The following ABCA7 variants were observed in gnomAD, a reference collection of about 807,000 sequenced individuals.
The protein encoded by ABCA7 is phospholipid-transporting ATPase ABCA7.
Under a neutral mutation model 227.6 loss-of-function variants are expected in ABCA7, and 261 were observed. That is an observed-to-expected ratio of 1.15 (90% confidence interval 1.04 to 1.27). The LOEUF is 1.27. Ranked by LOEUF, ABCA7 falls within the 50% of genes most tolerant of loss-of-function variation. ABCA7 has a pLI of 0.00. For synonymous variants in ABCA7, 1,488 were observed against 1,279.7 expected (o/e 1.16, Z -3.47); for missense variants, 3,331 against 2,924.5 (o/e 1.14, Z -3.21).
In ABCA7 at chr19:1,054,293, C is replaced by CAA; in HGVS notation, c.3679_3680dup (p.Arg1228SerfsTer146). The CAA allele has an allele frequency of 6.2e-7, 1 of 1,606,726 alleles. No individual in the cohort carries two copies. Among genetic ancestry groups the CAA allele is most frequent in the South Asian group, 1.1e-5 (1 of 90,972 alleles). On this transcript the variant is annotated frameshift_variant, in exon 27 of 47. Transcript: ENST00000263094. LOFTEE classifies it high-confidence loss of function. This position sits in a 1 kb window ranked among gnomAD's most constrained non-coding sequence, Gnocchi z 4.8. ...GCCAGCAGCTCCAGGCCCTGCTTCT[C>CAA]AAGCGCTTTCTGCTTGCCCGCCGCA...
At position 1,050,596 on chromosome 19, in the gene ABCA7, A is replaced by AAACG. The variant is rs1407608400; in HGVS notation, c.2553-325_2553-324insAACG. 6.6e-4 allele frequency among the ~76,000 whole-genome samples: 99 copies of AAACG among 149,736 alleles called. 2 individuals carry two copies. Among genetic ancestry groups the AAACG allele is most frequent in the Non-Finnish European group, 1.5e-4 (10 of 67,620 alleles). On this transcript the variant is annotated intron_variant, in intron 18 of 46. Coordinates refer to ENST00000263094, the MANE Select transcript of ABCA7 (RefSeq NM_019112.4). Reference sequence around the variant, plus strand: ...ATCATCCTGGCTAACATGGTGAAACAGTGAAACCCCGTCTCTACTAAAAAT... The same window carrying AAACG: ...ATCATCCTGGCTAACATGGTGAAACAAACGGTGAAACCCCGTCTCTACTAAAAAT...
chr19:1,051,161 C>G lies in ABCA7; in HGVS notation c.2691C>G (p.Thr897=), dbSNP rs375767923. 6 of 1,611,174 alleles carry G rather than the reference C, an allele frequency of 3.7e-6. No homozygotes were observed. Among genetic ancestry groups the G allele is most frequent in the Non-Finnish European group, 5.1e-6 (6 of 1,179,900 alleles). The change falls in exon 20 of 47, where the codon ACC becomes ACG. Residue 897 remains threonine, a synonymous_variant. Transcript: ENST00000263094. ...CTCTGTGCACTGGCCGCAGGCTGAC[C>G]GTGGACGAGCACGTCTGGTTCTATG... The part of the protein sequence containing the change: ...PQYNVLFDML[T]VDEHVWFYGR...
At chr19:1,053,081 A>G (rs1236214248) in intron 23 of ABCA7, among the ~76,000 whole-genome samples, 1 of 152,164 alleles carries the variant, frequency 6.6e-6, no homozygotes, top group African/African-American at 2.4e-5. Context: ...TTTGGTAGAA[A>G]TGGGGTTTCA....
rs377691518 is a variant in ABCA7 at position 1,064,653 on chromosome 19, A to C, written c.6045-278A>C. ...AAGGGCGAAAGAGGAGTGTCCGAAA[A>C]AGGAGTCAAGTGGGGTGATAGCTTC... On this transcript the variant is annotated intron_variant, in intron 45 of 46. Transcript: ENST00000263094. 2.0e-4 allele frequency: 108 copies of C among 533,772 alleles called. 3 individuals carry two copies. The South Asian group carries it at 2.9e-3, about 14-fold the overall frequency. The allele number at this position is 533,772 out of a possible 1,614,324, so 33.1% of individuals were successfully genotyped here.
At chr19:1,048,326 C>T (rs892641114) in intron 16 of ABCA7, among the ~76,000 whole-genome samples, 1 of 150,238 alleles carries the variant, frequency 6.7e-6, no homozygotes, top group Non-Finnish European at 1.5e-5. Context: ...GGAGAAACCC[C>T]GTCTCTACTA....
In ABCA7 at chr19:1,049,384, G is replaced by A. The variant is rs1599615330; in HGVS notation, c.2499G>A (p.Gln833=). Residue 833 remains glutamine, a synonymous_variant, in exon 18 of 47, where the codon CAG becomes CAA. Transcript: ENST00000263094. ...GGGGGCTCAGCCTGGACTTCTACCA[G>A]GGCCACATCACCGCCTTCCTGGGCC... ...ALRGLSLDFY[Q]GHITAFLGHN... The A allele has an allele frequency of 6.2e-7, 1 of 1,611,086 alleles. No homozygotes were observed. The highest frequency in any genetic ancestry group is 2.2e-5 in the East Asian group (1 of 44,848).
At chr19:1,047,746 G>C in intron 16 of ABCA7, 92 bp downstream of exon 16, 1 of 1,367,888 alleles carries the variant, frequency 7.3e-7, no homozygotes, top group South Asian at 1.4e-5. Context: ...TTTGGGGGTG[G>C]GGGGTGGCTT....
Position 1,054,652 on chromosome 19 carries a change from G to A in ABCA7, c.3809G>A (p.Arg1270Gln), listed in dbSNP as rs779351144. Residue 1270 changes from arginine to glutamine, a missense_variant, in exon 28 of 47, where the codon CGG becomes CAG. By Grantham distance (43) the Arg-to-Gln change is conservative. Coordinates refer to ENST00000263094, the MANE Select transcript of ABCA7 (RefSeq NM_019112.4). The surrounding 1 kb of genome is among the most constrained non-coding windows in gnomAD (Gnocchi z 4.8). ...VPPFGHYPALRLSPTMYGAQV... is the reference protein window; with the variant it reads ...VPPFGHYPALQLSPTMYGAQV... ...CCTTTCGGGCACTACCCGGCTCTGC[G>A]GCTCAGTCCCACCATGTACGGTGCT... 30 of 1,613,258 alleles carry A rather than the reference G, an allele frequency of 1.9e-5. No homozygotes were observed. Among genetic ancestry groups the A allele is most frequent in the South Asian group, 6.6e-5 (6 of 91,090 alleles).
intron 12 of ABCA7, chr19:1,045,542 C>A: frequency 2.7e-6 from 1 of 373,442 alleles, no homozygotes. Context: ...AAAATTGCAC[C>A]GGGTGCTGAG....
rs746504529 is a variant in ABCA7 at position 1,051,521 on chromosome 19, C to T, written c.2897C>T (p.Pro966Leu). 6.8e-6 allele frequency: 11 copies of T among 1,612,570 alleles called. No homozygotes were observed. The highest frequency in any genetic ancestry group is 1.3e-5 in the African/African-American group (1 of 74,942). The stretch of plus-strand genomic sequence containing the variant: ...TCCCAAGTTGTTATCCTGGACGAGC[C>T]TACGGCTGGCGTGGATCCTGCTTCC... ...GGSQVVILDEPTAGVDPASRR... is the reference protein window; with the variant it reads ...GGSQVVILDELTAGVDPASRR... Residue 966 changes from proline to leucine, a missense_variant, in exon 21 of 47, where the codon CCT (proline) becomes CTT (leucine). By Grantham distance (98) the Pro-to-Leu change is moderately conservative. Coordinates refer to ENST00000263094, the MANE Select transcript of ABCA7 (RefSeq NM_019112.4).
Position 1,045,212 on chromosome 19 carries a change from A to T in ABCA7, c.1426A>T (p.Thr476Ser). ...IRMDIDVVTRTNKIRDRFWDP... is the reference protein window; with the variant it reads ...IRMDIDVVTRSNKIRDRFWDP... Reference sequence around the variant, plus strand: ...CATGGACATTGACGTGGTCACGAGGACCAATAAGATCAGGGACAGGTCAGG... The same window carrying T: ...CATGGACATTGACGTGGTCACGAGGTCCAATAAGATCAGGGACAGGTCAGG... The change falls in exon 12 of 47, where the codon ACC becomes TCC. Residue 476 changes from threonine (T) to serine (S), a missense_variant. Thr to Ser is a moderately conservative substitution (Grantham distance 58). Coordinates refer to ENST00000263094, the MANE Select transcript of ABCA7 (RefSeq NM_019112.4). 1 of 1,598,866 alleles carries T rather than the reference A, an allele frequency of 6.3e-7. No homozygotes were observed. Among genetic ancestry groups the T allele is most frequent in the South Asian group, 1.1e-5 (1 of 90,970 alleles).
Position 1,043,108 on chromosome 19 carries a change from C to T in ABCA7, c.647C>T (p.Pro216Leu). Residue 216 changes from proline (P) to leucine (L), a missense_variant, in exon 8 of 47, where the codon CCC becomes CTC. Physicochemically the swap from Pro to Leu is moderately conservative, Grantham distance 98. Coordinates refer to ENST00000263094, the MANE Select transcript of ABCA7 (RefSeq NM_019112.4). ...LLQRPRGTSG[P>L]LELLSEALCS... is the part of the protein sequence containing the mutation. ...CAGAGACCCCGAGGGACCAGCGGCC[C>T]CCTGGAGTTGCTGTCAGAGGCCCTC... The T allele has an allele frequency of 1.9e-6, 3 of 1,612,634 alleles. No individual in the cohort carries two copies. Among genetic ancestry groups the T allele is most frequent in the Non-Finnish European group, 2.5e-6 (3 of 1,179,674 alleles).
chr19:1,043,686 G>A (rs749233588), intron 9 of ABCA7, 39 bp from the exon 10 acceptor site: 9 of 1,596,876 alleles, frequency 5.6e-6, no homozygotes, highest in Non-Finnish European at 7.7e-6. Context: ...GGTCCTCAGA[G>A]GAGGAGAGGG....
rs753016380 is a variant in ABCA7, at chr19:1,047,121, A to C, written c.1846-36A>C. 3.8e-6 allele frequency: 6 copies of C among 1,576,260 alleles called. No homozygotes were observed. The African/African-American group carries it at 8.1e-5, about 21-fold the overall frequency. On this transcript the variant is annotated intron_variant, in intron 14 of 46. Transcript: ENST00000263094. ...TGGGTGCGCGCCCCCAGGCCAATCC[A>C]GGAGCTGCACCCTAAGCTCCCGTTG...
At chr19:1,061,065 G>A (rs1354439945) in intron 40 of ABCA7, among the ~76,000 whole-genome samples, 2 of 152,018 alleles carry the variant, frequency 1.3e-5, no homozygotes, top group Non-Finnish European at 2.9e-5. Flanking sequence ...GCTCCCCCGG[G>A]GCCCCACCCA....
chr19:1,057,505 ACT>A lies in ABCA7; in HGVS notation c.4880+79_4880+80del, dbSNP rs1349412317. 1.2e-5 allele frequency: 17 copies of A among 1,362,552 alleles called. No individual in the cohort carries two copies. In the Admixed American group the frequency reaches 2.7e-4, roughly 22 times the overall value. 84.4% of individuals were successfully genotyped at this position (1,362,552 alleles called of 1,614,324 possible). On this transcript the variant is annotated intron_variant, in intron 35 of 46. Coordinates refer to ENST00000263094, the MANE Select transcript of ABCA7 (RefSeq NM_019112.4). ...TCCACATTAATGCTGCTGAGATAGA[ACT>A]CTGCAGTGACTCCCAAGGAGAGGAT...
At chr19:1,046,180 C>T (rs374246715) in intron 12 of ABCA7, 50 bp from the exon 13 acceptor site, 22 of 1,588,736 alleles carry the variant, frequency 1.4e-5, no homozygotes, top group Non-Finnish European at 1.5e-5. Flanking sequence ...GGTGGGGCCC[C>T]GGGAGTTTCT....
chr19:1,064,364 G>A, intron 45 of ABCA7, 111 bp downstream of exon 45: 1 of 1,217,518 alleles, frequency 8.2e-7, no homozygotes, highest in Admixed American at 2.6e-5. Flanking sequence ...TCCAACTGGA[G>A]AGATGGCCAA....
Position 1,065,511 on chromosome 19 carries a change from C to A in ABCA7, c.*86C>A. The A allele has an allele frequency of 6.8e-7, 1 of 1,479,872 alleles. No individual in the cohort carries two copies. The allele number at this position is 1,479,872 out of a possible 1,614,324, so 91.7% of individuals were successfully genotyped here. The stretch of plus-strand genomic sequence containing the variant: ...CCTAGGAGCCCTGGACTCAGGCTGG[C>A]AGAGGGGCTGGTGCCCTGGAGAAAA... On this transcript the variant is annotated 3_prime_UTR_variant, in exon 47 of 47. Transcript: ENST00000263094.
Sources: allele counts gnomAD v4.1 joint callset (sites outside exome capture counted in the v4.1 genomes callset), GRCh38; gene constraint gnomAD v4.1.1; non-coding constraint Gnocchi (gnomAD v3.1); transcripts MANE v1.5; gene names NCBI Gene and HGNC (gene_info 2026-07-23, HGNC 2026-07-21).